COL6A5: variants seen among roughly 807,000 people sequenced by gnomAD.
The protein encoded by COL6A5 is collagen alpha-5(VI) chain.
COL6A5 carries 48 observed loss-of-function variants against 65.6 expected under a neutral mutation model. The ratio of observed to expected loss-of-function variants is 0.73; its 90% CI spans 0.58 to 0.93. COL6A5 has a LOEUF of 0.93. Ranked by LOEUF, COL6A5 falls within the 40% of genes least tolerant of loss-of-function variation. COL6A5 has a pLI of 0.00. For missense variants in COL6A5, 914 were observed against 928.3 expected (o/e 0.98, Z 0.20); for synonymous variants, 291 against 322.8 (o/e 0.90, Z 1.05).
At chr3:130,394,158 G>A (rs1210384974) in intron 7 of COL6A5, among the ~76,000 whole-genome samples, 1 of 152,162 alleles carries the variant, frequency 6.6e-6, no homozygotes, top group Admixed American at 6.5e-5. Flanking sequence ...GGACTTCAGG[G>A]AGGTGACCTT....
chr3:130,463,914 G>T (rs1024880742), intron 5 of COL6A5, among the ~76,000 whole-genome samples: 6 of 151,890 alleles, frequency 4.0e-5, no homozygotes, highest in African/African-American at 1.5e-4. Flanking sequence ...CCTATAAGTT[G>T]GGAGGTAACC....
chr3:130,389,888 G>A (rs1044786676), intron 6 of COL6A5, among the ~76,000 whole-genome samples: 2 of 151,912 alleles, frequency 1.3e-5, no homozygotes, highest in Non-Finnish European at 2.9e-5. Flanking sequence ...TCTGTGTTTT[G>A]GATACAACTA....
intron 5 of COL6A5, among the ~76,000 whole-genome samples, chr3:130,461,228 AG>A (rs1709695044): frequency 6.6e-6 from 1 of 152,008 alleles, no homozygotes; most frequent in Non-Finnish European, 1.5e-5. Context: ...ACTACAATTC[AG>A]GAAGTATTGA....
chr3:130,453,043 T>C (rs111427463), intron 4 of COL6A5, among the ~76,000 whole-genome samples: 1,813 of 152,264 alleles, frequency 0.012, 41 homozygotes, highest in African/African-American at 0.041. Context: ...ATCCTGTTCT[T>C]TTTTCAAGGT....
upstream of COL6A5, among the ~76,000 whole-genome samples, chr3:130,430,565 T>G (rs550313449): frequency 1.3e-5 from 2 of 152,316 alleles, no homozygotes; most frequent in South Asian, 4.1e-4. Flanking sequence ...AAAAGTGAGG[T>G]TTGATACATA....
chr3:130,474,122 T>C (rs1710028877), intron 7 of COL6A5, among the ~76,000 whole-genome samples: 1 of 152,010 alleles, frequency 6.6e-6, no homozygotes. Flanking sequence ...CATGTGTGGG[T>C]AACCTTAGGG....
chr3:130,414,695 G>A (rs748910538), intron 22 of COL6A5, among the ~76,000 whole-genome samples: 3 of 152,084 alleles, frequency 2.0e-5, no homozygotes, highest in Non-Finnish European at 4.4e-5. Context: ...TCATTCTGGA[G>A]AGTAGCTTCG....
chr3:130,401,118 G>C, exon 11 of COL6A5: 1 of 1,550,854 alleles, frequency 6.4e-7, no homozygotes, highest in South Asian at 1.2e-5. Context: ...TTCGATTACA[G>C]GACTCATCTG....
In COL6A5 at chr3:130,458,678, TG is replaced by T. The variant is rs563663513; in HGVS notation, c.1544+3013del. Among the ~76,000 whole-genome samples the T allele has an allele frequency of 8.9e-4, 135 of 152,264 alleles. 1 individual carries two copies. Among genetic ancestry groups the T allele is most frequent in the Middle Eastern group, 6.8e-3 (2 of 294 alleles). ...ATCACAGAATAGAAATGAGAATTTG[TG>T]TTGCTAAAGAGTTCCAGGTGAAGTA... On this transcript the variant is annotated intron_variant, in intron 5 of 7. Coordinates refer to ENST00000512836, the Ensembl canonical transcript of COL6A5.
chr3:130,471,711 C>A, intron 7 of COL6A5: 1 of 1,534,644 alleles, frequency 6.5e-7, no homozygotes, highest in Non-Finnish European at 8.7e-7. Context: ...GAAATAAAGA[C>A]AGAAAATGGT....
At chr3:130,423,927 G>T in intron 29 of COL6A5, 27 bp downstream of exon 29, 2 of 1,491,556 alleles carry the variant, frequency 1.3e-6, no homozygotes, top group Non-Finnish European at 1.8e-6. Context: ...GAACTAAATA[G>T]GATATAGTAG....
intron 5 of COL6A5, among the ~76,000 whole-genome samples, chr3:130,467,323 T>TAATA (rs1709840767): frequency 6.6e-6 from 1 of 152,004 alleles, no homozygotes. Context: ...GAATAAGATC[T>TAATA]AGTGTTCTCA....
At chr3:130,425,496 G>A (rs551364414) in intron 29 of COL6A5, among the ~76,000 whole-genome samples, 14 of 152,214 alleles carry the variant, frequency 9.2e-5, no homozygotes, top group Admixed American at 2.0e-4. Flanking sequence ...AAGAATCACA[G>A]CCAAGGAGAA....
chr3:130,391,205 G>A lies in COL6A5; in HGVS notation c.2443G>A (p.Val815Ile), dbSNP rs767890350. 4.1e-5 allele frequency: 64 copies of A among 1,551,256 alleles called. No homozygotes were observed. In the East Asian group the frequency reaches 4.2e-4, roughly 10 times the overall value. Residue 815 changes from valine to isoleucine, a missense_variant and NMD_transcript_variant, in exon 7 of 42, where the codon GTT becomes ATT. Val to Ile is a conservative substitution (Grantham distance 29). Coordinates refer to the COL6A5 transcript ENST00000312481. ...TTGTAAAAGGATTACACTACTAGAC[G>A]TTGTGTTTGTGCTGGATCATTCAGG...
intron 5 of COL6A5, among the ~76,000 whole-genome samples, chr3:130,467,267 G>A (rs13064666): frequency 0.049 from 7,399 of 151,774 alleles, 267 homozygotes; most frequent in Middle Eastern, 0.11. Context: ...TAGGGAGGGG[G>A]GAATAAAGAA....
intron 7 of COL6A5, among the ~76,000 whole-genome samples, chr3:130,479,436 C>CAAAAA (rs1449424217): frequency 1.3e-5 from 2 of 151,668 alleles, no homozygotes; most frequent in Non-Finnish European, 2.9e-5. Flanking sequence ...AAAACAAAAA[C>CAAAAA]AAACAACAAC....
Position 130,455,291 on chromosome 3 carries a change from T to C in COL6A5, c.1333-164T>C, listed in dbSNP as rs551480548. Reference sequence around the variant, plus strand: ...CTTATCAGAGTTTTAAAAAATAATATGTATAATGAATCTCAATGAATTATT... The same window carrying C: ...CTTATCAGAGTTTTAAAAAATAATACGTATAATGAATCTCAATGAATTATT... On this transcript the variant is annotated intron_variant, in intron 4 of 7. Transcript: ENST00000512836. Among the ~76,000 whole-genome samples, 6 of 152,254 alleles carry C rather than the reference T, an allele frequency of 3.9e-5. No individual in the cohort carries two copies. In the East Asian group the frequency reaches 9.7e-4, roughly 25 times the overall value.
chr3:130,483,490 G>C (rs1240964694), intron 7 of COL6A5, among the ~76,000 whole-genome samples: 1 of 152,166 alleles, frequency 6.6e-6, no homozygotes, highest in Non-Finnish European at 1.5e-5. Context: ...GATTGGTCAA[G>C]AGCTGCTGTG....
At chr3:130,409,286 T>C (rs779273103) in intron 17 of COL6A5, 40 bp from the exon 18 acceptor site, 8 of 1,495,960 alleles carry the variant, frequency 5.3e-6, no homozygotes, top group Non-Finnish European at 7.2e-6. Flanking sequence ...TATACAAGCC[T>C]CCTACAAGCT....
Sources: gnomAD v4.1 joint callset for allele counts (sites outside exome capture counted in the v4.1 genomes callset) on GRCh38, gnomAD v4.1.1 for gene constraint, MANE v1.5 for transcripts, NCBI Gene and HGNC (gene_info 2026-07-23, HGNC 2026-07-21) for gene names.